PCDHA1: variants seen among roughly 807,000 people sequenced by gnomAD.
PCDHA1 encodes the protein protocadherin alpha-1.
PCDHA1 carries 42 observed loss-of-function variants against 61.3 expected under a neutral mutation model. That is an observed-to-expected ratio of 0.69 (90% CI 0.54 to 0.89). PCDHA1 has a LOEUF of 0.89. Ranked by LOEUF, PCDHA1 falls within the 40% of genes least tolerant of loss-of-function variation. The pLI is 0.00. For missense variants in PCDHA1, 1,256 were observed against 1,235.3 expected (o/e 1.02, Z -0.25); for synonymous variants, 610 against 553.8 (o/e 1.10, Z -1.43).
chr5:140,841,687 G>A (rs2150320921), intron 1 of PCDHA1: 1 of 1,613,966 alleles, frequency 6.2e-7, no homozygotes, highest in South Asian at 1.1e-5. Context: ...TGGACGTGGA[G>A]GTGAAGGATG....
At chr5:140,822,806 A>G (rs2150119518) in intron 1 of PCDHA1, 6 of 1,614,176 alleles carry the variant, frequency 3.7e-6, no homozygotes, top group Non-Finnish European at 5.1e-6. Context: ...GATGTGAATG[A>G]TAATACCCCA....
At chr5:140,802,880 C>A in intron 1 of PCDHA1, 1 of 1,613,596 alleles carries the variant, frequency 6.2e-7, no homozygotes, top group South Asian at 1.1e-5. Context: ...AGAACGACAA[C>A]GCGCCGGCAC....
intron 1 of PCDHA1, chr5:140,968,991 G>A: frequency 6.2e-7 from 1 of 1,614,208 alleles, no homozygotes; most frequent in East Asian, 2.2e-5. Context: ...ACTGCATGCT[G>A]TGGAGGCTTC....
At chr5:140,819,899 A>T (rs1188836600) in intron 1 of PCDHA1, among the ~76,000 whole-genome samples, 1 of 152,028 alleles carries the variant, frequency 6.6e-6, no homozygotes, top group Non-Finnish European at 1.5e-5. Context: ...TCTGCAGATT[A>T]CAATGTACAC....
At chr5:140,972,096 A>G (rs2096519185) in intron 1 of PCDHA1, among the ~76,000 whole-genome samples, 1 of 152,168 alleles carries the variant, frequency 6.6e-6, no homozygotes. Context: ...AATTTCTGGC[A>G]TAGAAGCAGG....
intron 1 of PCDHA1, chr5:140,808,975 G>T: frequency 2.5e-6 from 4 of 1,613,626 alleles, no homozygotes; most frequent in Non-Finnish European, 3.4e-6. Context: ...AGGTGCGCGC[G>T]GTGGATGCTG....
intron 1 of PCDHA1, among the ~76,000 whole-genome samples, chr5:140,964,532 G>A (rs995586958): frequency 2.0e-5 from 3 of 152,156 alleles, no homozygotes; most frequent in Non-Finnish European, 4.4e-5. Context: ...TCTGAGCTGC[G>A]TGCAGAGATG....
intron 1 of PCDHA1, chr5:140,867,796 C>A (rs1477266622): frequency 4.6e-5 from 7 of 152,060 alleles, no homozygotes; most frequent in African/African-American, 1.7e-4. Context: ...TTTTACTTAG[C>A]ATTTTCTATG....
intron 1 of PCDHA1, chr5:140,856,946 G>T: frequency 6.3e-7 from 1 of 1,593,334 alleles, no homozygotes; most frequent in East Asian, 2.2e-5. Context: ...AAGGACGGGA[G>T]AAATAAAAGT....
At chr5:140,896,673 G>T (rs962137649) in intron 1 of PCDHA1, among the ~76,000 whole-genome samples, 1 of 152,000 alleles carries the variant, frequency 6.6e-6, no homozygotes, top group African/African-American at 2.4e-5. Context: ...CACTGTGCCC[G>T]GCCCTTTGCC....
At chr5:140,802,445 G>C in intron 1 of PCDHA1, 3 of 1,614,240 alleles carry the variant, frequency 1.9e-6, no homozygotes, top group Non-Finnish European at 2.5e-6. Flanking sequence ...TGGACCGCGA[G>C]AGCGTGTCGG....
At chr5:140,805,683 G>T in intron 1 of PCDHA1, 1 of 781,174 alleles carries the variant, frequency 1.3e-6, no homozygotes, top group Non-Finnish European at 1.6e-6. Flanking sequence ...ATGATTCAAA[G>T]ATCATGATTA....
intron 1 of PCDHA1, chr5:140,807,488 G>A (rs1053803675): frequency 6.2e-7 from 1 of 1,613,550 alleles, no homozygotes; most frequent in Non-Finnish European, 8.5e-7. Context: ...GCGGAGCGCG[G>A]AGTGCAGCAT....
intron 1 of PCDHA1, among the ~76,000 whole-genome samples, chr5:140,873,882 A>G (rs1311106784): frequency 6.6e-6 from 1 of 152,152 alleles, no homozygotes; most frequent in Non-Finnish European, 1.5e-5. Context: ...GCTGGTCTTG[A>G]ACTCCTGACC....
At chr5:140,882,854 C>G in intron 1 of PCDHA1, 2 of 1,614,196 alleles carry the variant, frequency 1.2e-6, no homozygotes, top group Non-Finnish European at 1.7e-6. Flanking sequence ...ATCACTTGTA[C>G]TGAGGAAAAC....
intron 1 of PCDHA1, chr5:140,851,839 C>A (rs1452848183): frequency 2.1e-6 from 2 of 969,740 alleles, no homozygotes; most frequent in East Asian, 1.1e-4. Context: ...TTAAAAATAT[C>A]TTTTTCTCCT....
In PCDHA1 at chr5:140,786,319, G is replaced by A; in HGVS notation, c.29G>A (p.Gly10Glu). The change falls in exon 1 of 4, where the codon GGA (glycine) becomes GAA (glutamate). Residue 10 changes from glycine to glutamate, a missense_variant. Coordinates refer to ENST00000504120, the MANE Select transcript of PCDHA1 (RefSeq NM_018900.4). ...GTGTTTTCTAGGAGAGGGGGCCTGG[G>A]AGCCCGGGATCTGCTTCTTTGGCTT... MVFSRRGGLGARDLLLWLLL... is the reference protein window; with the variant it reads MVFSRRGGLEARDLLLWLLL... The A allele has an allele frequency of 6.2e-7, 1 of 1,611,444 alleles. No individual in the cohort carries two copies. The highest frequency in any genetic ancestry group is 2.2e-5 in the East Asian group (1 of 44,874).
At chr5:140,934,695 T>G (rs155824) in intron 1 of PCDHA1, among the ~76,000 whole-genome samples, 48,210 of 151,950 alleles carry the variant, frequency 0.32, 7,985 homozygotes, top group East Asian at 0.53. Flanking sequence ...ATGAATTGAT[T>G]CCTGGCCATC....
Position 140,979,003 on chromosome 5 carries a change from C to G in PCDHA1, c.2449C>G (p.His817Asp). ...RYSASLRAGM[H>D]SSVHLEEAGI... Reference sequence around the variant, plus strand: ...CTCTGCCTCCCTGAGAGCAGGCATGCACAGGTATGTATTTCCCTCCTCATT... The same window carrying G: ...CTCTGCCTCCCTGAGAGCAGGCATGGACAGGTATGTATTTCCCTCCTCATT... The change falls in exon 2 of 4, where the codon CAC becomes GAC. Residue 817 changes from histidine (H) to aspartate (D), a missense_variant. By Grantham distance (81) the His-to-Asp change is moderately conservative. Transcript: ENST00000504120. 1.2e-6 allele frequency: 2 copies of G among 1,614,144 alleles called. No homozygotes were observed. The highest frequency in any genetic ancestry group is 1.7e-6 in the Non-Finnish European group (2 of 1,180,022).
Sources: gnomAD v4.1 joint callset for allele counts (sites outside exome capture counted in the v4.1 genomes callset) on GRCh38, gnomAD v4.1.1 for gene constraint, MANE v1.5 for transcripts, NCBI Gene and HGNC (gene_info 2026-07-23, HGNC 2026-07-21) for gene names.